The following LRRC4C variants were observed in gnomAD, a reference collection of about 807,000 sequenced individuals.
LRRC4C encodes leucine rich repeat containing 4C, also known as leucine-rich repeat-containing protein 4C.
LRRC4C carries 5 observed loss-of-function variants against 33.6 expected under a neutral mutation model. The observed-to-expected ratio is 0.15, with a 90% CI of 0.08 to 0.31. The LOEUF (loss-of-function observed/expected upper bound fraction) is 0.31, where lower values mean the gene tolerates loss of function less well. Among genes scored for constraint, LRRC4C ranks in the 10% least tolerant of loss-of-function variants. The pLI is 1.00. For missense variants in LRRC4C, 560 were observed against 796.7 expected, an observed-to-expected ratio of 0.70 and a Z score of 3.58; for synonymous variants, 329 against 302.0, an observed-to-expected ratio of 1.09 and a Z score of -0.93.
At chr11:40,838,076 T>C (rs1246985931) in intron 2 of LRRC4C, among the ~76,000 whole-genome samples, 1 of 152,176 alleles carries the variant, frequency 6.6e-6, no homozygotes, top group African/African-American at 2.4e-5. Context: ...AAGGATACTA[T>C]ATAGCAGTAG....
chr11:40,384,179 T>A (rs2137382882), intron 3 of LRRC4C, among the ~76,000 whole-genome samples: 1 of 152,162 alleles, frequency 6.6e-6, no homozygotes, highest in South Asian at 2.1e-4. Flanking sequence ...TATTGTATGA[T>A]TTTAGAATCG....
At chr11:40,610,932 T>C (rs1289040820) in intron 3 of LRRC4C, among the ~76,000 whole-genome samples, 1 of 151,844 alleles carries the variant, frequency 6.6e-6, no homozygotes, top group Non-Finnish European at 1.5e-5. Flanking sequence ...CAATACTGTT[T>C]AAATGTCAAT....
intron 1 of LRRC4C, among the ~76,000 whole-genome samples, chr11:41,336,464 C>T (rs1951458140): frequency 6.6e-6 from 1 of 151,552 alleles, no homozygotes; most frequent in South Asian, 2.1e-4. Context: ...TATCGGGGGC[C>T]ATAAACTACC....
intron 1 of LRRC4C, among the ~76,000 whole-genome samples, chr11:41,405,552 T>C (rs1430349375): frequency 6.6e-6 from 1 of 152,044 alleles, no homozygotes; most frequent in Non-Finnish European, 1.5e-5. Flanking sequence ...ACTTACATGG[T>C]TGATAGTAAA....
chr11:40,976,543 G>C (rs1297624962), intron 1 of LRRC4C, among the ~76,000 whole-genome samples: 1 of 152,174 alleles, frequency 6.6e-6, no homozygotes, highest in East Asian at 1.9e-4. Context: ...AAAGGCTTTA[G>C]CATGTAGAGA....
intron 1 of LRRC4C, among the ~76,000 whole-genome samples, chr11:41,209,260 A>G (rs1030560761): frequency 5.3e-5 from 8 of 150,184 alleles, no homozygotes; most frequent in Admixed American, 4.7e-4. Context: ...AATATATATT[A>G]ATTATTTGTA....
Position 40,787,754 on chromosome 11 carries a change from G to A in LRRC4C, c.-406-139476C>T, listed in dbSNP as rs186865422. Among the ~76,000 whole-genome samples the A allele has an allele frequency of 5.9e-5, 9 of 152,182 alleles. No individual in the cohort carries two copies. The East Asian group carries it at 1.7e-3, about 29-fold the overall frequency. On this transcript the variant is annotated intron_variant, in intron 2 of 6. Transcript: ENST00000528697. ...TTAAACTACAATTACAAACAAACCC[G>A]GCAACAGGGATTGGAGCTAGCTGAG... is the stretch of plus-strand genomic sequence containing the variant.
intron 1 of LRRC4C, among the ~76,000 whole-genome samples, chr11:41,413,133 G>A (rs967251300): frequency 6.6e-6 from 1 of 151,964 alleles, no homozygotes; most frequent in Non-Finnish European, 1.5e-5. Flanking sequence ...TAGAGAATGA[G>A]GATGGTTTGA....
At chr11:40,435,435 G>A (rs1951105545) in intron 3 of LRRC4C, among the ~76,000 whole-genome samples, 1 of 152,170 alleles carries the variant, frequency 6.6e-6, no homozygotes, top group African/African-American at 2.4e-5. Flanking sequence ...AGAAAAGATG[G>A]GGAGGAGTGA....
At chr11:40,534,462 A>C (rs980025444) in intron 3 of LRRC4C, among the ~76,000 whole-genome samples, 4 of 152,184 alleles carry the variant, frequency 2.6e-5, no homozygotes, top group African/African-American at 9.6e-5. Flanking sequence ...GTCAAATTGC[A>C]GAGTCAGAAG....
intron 2 of LRRC4C, among the ~76,000 whole-genome samples, chr11:40,819,772 A>G (rs1000731427): frequency 6.8e-6 from 1 of 147,820 alleles, no homozygotes; most frequent in Admixed American, 6.6e-5. Flanking sequence ...ATCTGCAGAA[A>G]ACTGAAGGGT....
At chr11:40,669,004 T>C (rs1357525981) in intron 2 of LRRC4C, among the ~76,000 whole-genome samples, 3 of 152,222 alleles carry the variant, frequency 2.0e-5, no homozygotes, top group Non-Finnish European at 2.9e-5. Context: ...TTCAAATCTC[T>C]ACGGTTGTTG....
chr11:40,992,737 G>C (rs535525947), intron 1 of LRRC4C, among the ~76,000 whole-genome samples: 2 of 152,014 alleles, frequency 1.3e-5, no homozygotes, highest in Non-Finnish European at 2.9e-5. Flanking sequence ...AGATTGCTAC[G>C]ACATTAATTT....
intron 1 of LRRC4C, among the ~76,000 whole-genome samples, chr11:41,381,293 G>A (rs1444261283): frequency 1.3e-5 from 2 of 152,088 alleles, no homozygotes; most frequent in African/African-American, 4.8e-5. Context: ...TTCAGACATT[G>A]TAATGATCAG....
intron 1 of LRRC4C, among the ~76,000 whole-genome samples, chr11:41,315,420 T>C (rs1056568580): frequency 1.3e-4 from 20 of 152,190 alleles, no homozygotes; most frequent in African/African-American, 4.8e-4. Context: ...TTGCTTGAGT[T>C]GTTTGTTTTG....
At chr11:40,193,366 A>C (rs1322588952) in intron 5 of LRRC4C, among the ~76,000 whole-genome samples, 1 of 152,228 alleles carries the variant, frequency 6.6e-6, no homozygotes, top group African/African-American at 2.4e-5. Flanking sequence ...GAGGGGCCTG[A>C]CTGTTAGAAG....
chr11:40,651,882 TC>T (rs1942826615), intron 2 of LRRC4C, among the ~76,000 whole-genome samples: 1 of 152,220 alleles, frequency 6.6e-6, no homozygotes, highest in Admixed American at 6.5e-5. Context: ...TTTTGGATTT[TC>T]CTTTGAAGTG....
chr11:40,545,023 T>C (rs1321156637), intron 3 of LRRC4C, among the ~76,000 whole-genome samples: 2 of 152,066 alleles, frequency 1.3e-5, no homozygotes, highest in Non-Finnish European at 2.9e-5. Context: ...TTGCTTAGCA[T>C]GCTCTGCCTT....
chr11:41,180,930 C>A (rs1161290124), intron 1 of LRRC4C, among the ~76,000 whole-genome samples: 4 of 151,972 alleles, frequency 2.6e-5, no homozygotes, highest in Non-Finnish European at 4.4e-5. Flanking sequence ...ATGGTTAGAT[C>A]TTAGCGCACA....
Sources: gnomAD v4.1 joint callset for allele counts (sites outside exome capture counted in the v4.1 genomes callset) on GRCh38, gnomAD v4.1.1 for gene constraint, MANE v1.5 for transcripts, NCBI Gene and HGNC (gene_info 2026-07-23, HGNC 2026-07-21) for gene names.